ACSM3: variants seen among roughly 807,000 people sequenced by gnomAD.
ACSM3 encodes acyl-CoA synthetase medium chain family member 3, also known as acyl-coenzyme A synthetase ACSM3, mitochondrial.
ACSM3 carries 61 observed loss-of-function variants against 74.1 expected under a neutral mutation model. The ratio of observed to expected loss-of-function variants is 0.82; its 90% CI spans 0.67 to 1.02. The LOEUF is 1.02. ACSM3 is among the 50% of genes least tolerant of loss of function. The pLI, the probability that ACSM3 is intolerant of heterozygous loss-of-function variation, is 0.00. For missense variants in ACSM3, 660 were observed against 697.0 expected, an observed-to-expected ratio of 0.95 and a Z score of 0.60; for synonymous variants, 213 against 241.5, an observed-to-expected ratio of 0.88 and a Z score of 1.09.
Position 20,717,950 on chromosome 16 carries a change from GGAAGAGGAAGAAGAAGAA to G in ACSM3, c.-189-31954_-189-31937del, listed in dbSNP as rs1299155787. 3.4e-4 allele frequency among the ~76,000 whole-genome samples: 20 copies of G among 59,042 alleles called. 1 individual carries two copies. Among genetic ancestry groups the G allele is most frequent in the African/African-American group, 7.8e-4 (13 of 16,678 alleles). 38.7% of individuals were successfully genotyped at this position (59,042 alleles called of 152,430 possible). A position where few individuals can be genotyped will look rare whatever the true frequency, so the allele number is the denominator to read the frequency against. ...GAGAAGGAGAAGGAGAAGAGGAAGA[GGAAGAGGAAGAAGAAGAA>G]GAAGAAGAAGAAGAAGAAGAAGAAG... On this transcript the variant is annotated intron_variant, in intron 1 of 3. Coordinates refer to the ACSM3 transcript ENST00000561584.
chr16:20,762,066 G>A (rs2080081695), upstream of ACSM3, among the ~76,000 whole-genome samples: 1 of 152,176 alleles, frequency 6.6e-6, no homozygotes. Context: ...GATCTCTCAA[G>A]TTGCCTGCTT....
intron 1 of ACSM3, among the ~76,000 whole-genome samples, chr16:20,746,081 C>T (rs1245171660): frequency 6.6e-6 from 1 of 152,182 alleles, no homozygotes; most frequent in African/African-American, 2.4e-5. Flanking sequence ...CTGTGAAACT[C>T]TGAGTAAGTT....
chr16:20,701,804 G>A (rs923587428), intron 1 of ACSM3, among the ~76,000 whole-genome samples: 21 of 152,148 alleles, frequency 1.4e-4, no homozygotes, highest in African/African-American at 5.1e-4. Flanking sequence ...TTGGTTTTCT[G>A]TTCCTGTGTT....
chr16:20,768,360 CA>C (rs2080150454), intron 1 of ACSM3, among the ~76,000 whole-genome samples: 1 of 152,200 alleles, frequency 6.6e-6, no homozygotes, highest in Non-Finnish European at 1.5e-5. Flanking sequence ...TGGTGCTTTT[CA>C]CACTTGAATG....
chr16:20,782,067 G>A (rs1432527020), intron 7 of ACSM3, among the ~76,000 whole-genome samples: 1 of 152,116 alleles, frequency 6.6e-6, no homozygotes, highest in Non-Finnish European at 1.5e-5. Flanking sequence ...TTTGGATGAT[G>A]GCTTTCTCTG....
chr16:20,761,569 G>A (rs1379007719), upstream of ACSM3, among the ~76,000 whole-genome samples: 1 of 152,200 alleles, frequency 6.6e-6, no homozygotes, highest in African/African-American at 2.4e-5. Flanking sequence ...TGTCAGAAGT[G>A]TTATTGTTAG....
chr16:20,742,118 G>T, intron 1 of ACSM3: 1 of 1,171,584 alleles, frequency 8.5e-7, no homozygotes, highest in Non-Finnish European at 1.1e-6. Context: ...AGCTACTGTG[G>T]AGGAAAAGTT....
intron 12 of ACSM3, among the ~76,000 whole-genome samples, chr16:20,794,809 C>T (rs890317426): frequency 5.9e-5 from 9 of 152,192 alleles, no homozygotes; most frequent in African/African-American, 2.2e-4. Flanking sequence ...TCCAACATTA[C>T]ACAACAAACT....
At chr16:20,739,084 A>T in intron 1 of ACSM3, 1 of 1,613,910 alleles carries the variant, frequency 6.2e-7, no homozygotes, top group African/African-American at 1.3e-5. Context: ...GTTTGCATAA[A>T]ACTAATGAGC....
rs1259456297 is a variant in ACSM3, at chr16:20,785,109, T to C, written c.1143+2T>C. On this transcript the variant is annotated splice_donor_variant, in intron 8 of 13. Coordinates refer to ENST00000289416, the MANE Select transcript of ACSM3 (RefSeq NM_005622.4). LOFTEE classifies it high-confidence loss of function. The stretch of plus-strand genomic sequence containing the variant: ...GAAGGATATGGACAGACTGAAACGG[T>C]ACCTGACCTCACTGAAAAGACATAG... The C allele has an allele frequency of 1.2e-6, 2 of 1,612,762 alleles. No homozygotes were observed. Among genetic ancestry groups the C allele is most frequent in the East Asian group, 4.5e-5 (2 of 44,816 alleles).
rs567410949 is a variant in ACSM3, at chr16:20,793,465, C to T, written c.1554+1130C>T. Among the ~76,000 whole-genome samples the T allele has an allele frequency of 1.4e-3, 204 of 150,650 alleles. 1 individual carries two copies. Among genetic ancestry groups the T allele is most frequent in the African/African-American group, 4.9e-3 (196 of 40,344 alleles). On this transcript the variant is annotated intron_variant, in intron 12 of 13. Transcript: ENST00000289416. Reference sequence around the variant, plus strand: ...GCCTGGCTAACAGAACAAGACTCCGCCTCAAAAAAATAAAAATAAAAATAA... The same window carrying T: ...GCCTGGCTAACAGAACAAGACTCCGTCTCAAAAAAATAAAAATAAAAATAA...
intron 2 of ACSM3, among the ~76,000 whole-genome samples, chr16:20,775,097 C>T (rs558215317): frequency 5.8e-5 from 8 of 138,694 alleles, no homozygotes; most frequent in Admixed American, 2.1e-4. Flanking sequence ...TGGCCTGGCT[C>T]TATCACTGGA....
At chr16:20,739,633 C>G (rs1445440035) in intron 1 of ACSM3, among the ~76,000 whole-genome samples, 2 of 151,806 alleles carry the variant, frequency 1.3e-5, no homozygotes, top group African/African-American at 4.8e-5. Flanking sequence ...CCAGCCTAGC[C>G]AACATGGTGA....
At chr16:20,755,640 T>G (rs11648987) in intron 3 of ACSM3, 8,544 of 149,632 alleles carry the variant, frequency 0.057, 263 homozygotes, top group Middle Eastern at 0.13. Flanking sequence ...ATTATTATTA[T>G]TATTATTATT....
At chr16:20,694,257 G>A (rs1387684428) in intron 1 of ACSM3, among the ~76,000 whole-genome samples, 1 of 152,198 alleles carries the variant, frequency 6.6e-6, no homozygotes, top group Non-Finnish European at 1.5e-5. Flanking sequence ...ACAGCAGTAG[G>A]GTGGATGCGT....
At chr16:20,714,912 A>G (rs888756450) in intron 1 of ACSM3, among the ~76,000 whole-genome samples, 1 of 152,210 alleles carries the variant, frequency 6.6e-6, no homozygotes, top group Admixed American at 6.5e-5. Context: ...AAAGGAAGAC[A>G]AGTTGGATAA....
chr16:20,717,922 GAGGAGA>G (rs111861355), intron 1 of ACSM3, among the ~76,000 whole-genome samples: 7,806 of 131,136 alleles, frequency 0.06, 420 homozygotes, highest in Non-Finnish European at 0.07. Context: ...GAAGAAGAAG[GAGGAGA>G]AGGAGAAGGA....
Position 20,706,642 on chromosome 16 carries a change from T to C in ACSM3, c.-190+31820T>C, listed in dbSNP as rs755225103. On this transcript the variant is annotated intron_variant, in intron 1 of 3. Transcript: ENST00000561584. ...CCCCAGATTTGGAAATGGCCCCATCTGCCTCATGTTTGTTGAAAGCCCTAT... is the reference window on the plus strand; with the variant it reads ...CCCCAGATTTGGAAATGGCCCCATCCGCCTCATGTTTGTTGAAAGCCCTAT... Among the ~76,000 whole-genome samples the C allele has an allele frequency of 2.0e-5, 3 of 152,216 alleles. 1 individual carries two copies. Among genetic ancestry groups the C allele is most frequent in the Non-Finnish European group, 4.4e-5 (3 of 68,040 alleles).
chr16:20,757,019 G>A (rs1240115682), intron 3 of ACSM3, among the ~76,000 whole-genome samples: 16 of 151,538 alleles, frequency 1.1e-4, no homozygotes, highest in Admixed American at 9.9e-4. Flanking sequence ...CCAGTACCAT[G>A]CTGTTTTGGT....
Sources: allele counts gnomAD v4.1 joint callset (sites outside exome capture counted in the v4.1 genomes callset), GRCh38; gene constraint gnomAD v4.1.1; transcripts MANE v1.5; gene names NCBI Gene and HGNC (gene_info 2026-07-23, HGNC 2026-07-21).